The following CDK14 variants were observed in gnomAD, a reference collection of about 807,000 sequenced individuals.
CDK14 encodes the protein cyclin-dependent kinase 14.
CDK14 carries 34 observed loss-of-function variants against 60.7 expected under a neutral mutation model. The observed-to-expected ratio is 0.56, with a 90% CI of 0.43 to 0.75. The LOEUF (loss-of-function observed/expected upper bound fraction) is 0.75, where lower values mean the gene tolerates loss of function less well. Among genes scored for constraint, CDK14 ranks in the 30% least tolerant of loss-of-function variants. CDK14 has a pLI of 0.00. For missense variants in CDK14, 482 were observed against 564.1 expected, an observed-to-expected ratio of 0.85 and a Z score of 1.47; for synonymous variants, 197 against 203.7, an observed-to-expected ratio of 0.97 and a Z score of 0.28.
chr7:91,175,438 G>A (rs906461133), intron 14 of CDK14, among the ~76,000 whole-genome samples: 7 of 151,562 alleles, frequency 4.6e-5, no homozygotes, highest in Admixed American at 2.0e-4. Context: ...ATCATGACAG[G>A]ATCAAATTCA....
At chr7:90,875,781 T>G (rs1251623732) in intron 6 of CDK14, among the ~76,000 whole-genome samples, 1 of 152,082 alleles carries the variant, frequency 6.6e-6, no homozygotes, top group East Asian at 1.9e-4. Context: ...TCTTTTTTCT[T>G]TAGCTCAACA....
intron 9 of CDK14, among the ~76,000 whole-genome samples, chr7:90,980,068 C>G (rs923632345): frequency 1.3e-5 from 2 of 151,936 alleles, no homozygotes; most frequent in Non-Finnish European, 2.9e-5. Context: ...AACAAATTGT[C>G]AATTCTGCTT....
intron 2 of CDK14, among the ~76,000 whole-genome samples, chr7:90,616,959 A>G (rs1383561158): frequency 6.6e-6 from 1 of 152,030 alleles, no homozygotes; most frequent in African/African-American, 2.4e-5. Flanking sequence ...AGTTAGGCAT[A>G]TTAAACTCAA....
intron 2 of CDK14, among the ~76,000 whole-genome samples, chr7:90,618,214 A>G (rs1180270561): frequency 2.0e-5 from 3 of 152,236 alleles, no homozygotes; most frequent in African/African-American, 7.2e-5. Context: ...TAATATTTAC[A>G]TCTTAGAAAG....
intron 3 of CDK14, among the ~76,000 whole-genome samples, chr7:90,731,503 C>T (rs1333662379): frequency 2.0e-5 from 3 of 151,840 alleles, no homozygotes; most frequent in Admixed American, 6.6e-5. Context: ...TTGTTTTTGT[C>T]CTCTTATTTC....
intron 7 of CDK14, among the ~76,000 whole-genome samples, chr7:90,907,978 C>T (rs1405035036): frequency 6.6e-6 from 1 of 152,102 alleles, no homozygotes; most frequent in Non-Finnish European, 1.5e-5. Context: ...CTAATAATTT[C>T]CTACTACACA....
At chr7:90,846,916 C>A (rs1790488179) in intron 5 of CDK14, among the ~76,000 whole-genome samples, 1 of 152,182 alleles carries the variant, frequency 6.6e-6, no homozygotes, top group African/African-American at 2.4e-5. Context: ...CTGGTTGGTC[C>A]AGTCCATTTC....
At position 90,692,122 on chromosome 7, in the gene CDK14, G is replaced by A. The variant is rs374626994; in HGVS notation, c.124-34445G>A. ...CCAATCTGCGAAATACATATGTTTTGCATCTGTAATTGTTTTAAAGATACA... is the reference window on the plus strand; with the variant it reads ...CCAATCTGCGAAATACATATGTTTTACATCTGTAATTGTTTTAAAGATACA... On this transcript the variant is annotated intron_variant, in intron 2 of 14. Transcript: ENST00000380050. Among the ~76,000 whole-genome samples the A allele has an allele frequency of 2.6e-5, 4 of 152,250 alleles. No homozygotes were observed. The South Asian group carries it at 8.3e-4, about 32-fold the overall frequency.
At position 91,193,092 on chromosome 7, in the gene CDK14, C is replaced by T. The variant is rs373008046; in HGVS notation, c.*29-14073C>T. ...CAACAAGGTGTCTCTAGATCATGCC[C>T]CTTGTTCAAAAGGAATTTCCTTCAA... On this transcript the variant is annotated intron_variant, in intron 14 of 14. Coordinates refer to ENST00000380050, the MANE Select transcript of CDK14 (RefSeq NM_001287135.2). 3.9e-4 allele frequency among the ~76,000 whole-genome samples: 60 copies of T among 152,260 alleles called. No individual in the cohort carries two copies. The South Asian group carries it at 0.011, about 28-fold the overall frequency.
At chr7:90,790,877 T>C (rs111360504) in intron 5 of CDK14, among the ~76,000 whole-genome samples, 113 of 152,352 alleles carry the variant, frequency 7.4e-4, no homozygotes, top group African/African-American at 2.5e-3. Context: ...AATAAAATGC[T>C]GTGCATTAAT....
rs79518971 is a variant in CDK14, at chr7:90,767,040, C to G, written c.464+19265C>G. 1.8e-3 allele frequency among the ~76,000 whole-genome samples: 275 copies of G among 152,268 alleles called. 7 individuals are homozygous for G. The East Asian group carries it at 0.051, about 28-fold the overall frequency. On this transcript the variant is annotated intron_variant, in intron 4 of 14. Transcript: ENST00000380050. Reference sequence around the variant, plus strand: ...CTGTCCATCTGCAAGATGGACAACTCCGGTACTCTCTTTTTCTCTAGGTGC... The same window carrying G: ...CTGTCCATCTGCAAGATGGACAACTGCGGTACTCTCTTTTTCTCTAGGTGC...
chr7:90,995,247 T>A (rs914270197), intron 10 of CDK14, among the ~76,000 whole-genome samples: 3 of 152,206 alleles, frequency 2.0e-5, no homozygotes, highest in Non-Finnish European at 4.4e-5. Flanking sequence ...CAAGTTGCTC[T>A]GAGGAGGGGC....
At chr7:90,784,358 AT>A (rs754546749) in intron 4 of CDK14, among the ~76,000 whole-genome samples, 1 of 152,186 alleles carries the variant, frequency 6.6e-6, no homozygotes, top group Non-Finnish European at 1.5e-5. Flanking sequence ...GCACAATAGG[AT>A]GACTATAGTT....
chr7:90,938,938 G>T (rs895088357), intron 8 of CDK14, among the ~76,000 whole-genome samples: 1 of 152,064 alleles, frequency 6.6e-6, no homozygotes, highest in South Asian at 2.1e-4. Flanking sequence ...TTATTGTTTC[G>T]TACTTTGGCA....
intron 2 of CDK14, among the ~76,000 whole-genome samples, chr7:90,720,890 G>C (rs774676788): frequency 2.0e-5 from 3 of 152,050 alleles, no homozygotes; most frequent in Non-Finnish European, 4.4e-5. Flanking sequence ...TTGACTGTTG[G>C]GGTCCTGGAT....
chr7:90,769,873 G>A (rs1422279256), intron 4 of CDK14, among the ~76,000 whole-genome samples: 1 of 152,232 alleles, frequency 6.6e-6, no homozygotes, highest in African/African-American at 2.4e-5. Context: ...ATTTGAGATA[G>A]TTGGACTTCA....
chr7:91,011,217 T>A (rs1034058256), intron 10 of CDK14, among the ~76,000 whole-genome samples: 2 of 152,102 alleles, frequency 1.3e-5, no homozygotes, highest in Non-Finnish European at 2.9e-5. Context: ...ATCTGTATCC[T>A]GGAATAGGTA....
chr7:90,946,655 A>T lies in CDK14; in HGVS notation c.827-9042A>T, dbSNP rs117601177. Among the ~76,000 whole-genome samples the T allele has an allele frequency of 4.5e-3, 679 of 152,280 alleles. 2 individuals carry two copies. The highest frequency in any genetic ancestry group is 7.0e-3 in the South Asian group (34 of 4,830). On this transcript the variant is annotated intron_variant, in intron 8 of 14. Coordinates refer to ENST00000380050, the MANE Select transcript of CDK14 (RefSeq NM_001287135.2). ...TGTTTGAAAGTAGTTGCCTATTTTT[A>T]TCTCATGGAATGTTTTAAAAATTCA... is the stretch of plus-strand genomic sequence containing the variant.
chr7:90,861,632 G>A (rs1406728022), intron 5 of CDK14, among the ~76,000 whole-genome samples: 3 of 152,118 alleles, frequency 2.0e-5, no homozygotes, highest in Non-Finnish European at 4.4e-5. Context: ...GTTAAGACAG[G>A]ATAGTGAAAG....
Sources: allele counts gnomAD v4.1 joint callset (sites outside exome capture counted in the v4.1 genomes callset), GRCh38; gene constraint gnomAD v4.1.1; transcripts MANE v1.5; gene names NCBI Gene and HGNC (gene_info 2026-07-23, HGNC 2026-07-21).